NEIL3: variants seen among roughly 807,000 people sequenced by gnomAD.
The protein encoded by NEIL3 is endonuclease 8-like 3.
In NEIL3, 48 loss-of-function variants were observed where a neutral mutation model predicts 57.5. The observed-to-expected ratio is 0.83, with a 90% CI of 0.66 to 1.06. NEIL3 has a LOEUF of 1.06. Ranked by LOEUF, NEIL3 falls within the 50% of genes least tolerant of loss-of-function variation. The pLI is 0.00. For synonymous variants in NEIL3, 261 were observed against 253.2 expected, an observed-to-expected ratio of 1.03 and a Z score of -0.29; for missense variants, 717 against 739.1, an observed-to-expected ratio of 0.97 and a Z score of 0.35.
At position 177,353,729 on chromosome 4, in the gene NEIL3, G is replaced by C; in HGVS notation, c.1460+1G>C. 2 of 1,596,716 alleles carry C rather than the reference G, an allele frequency of 1.3e-6. No individual in the cohort carries two copies. Among genetic ancestry groups the C allele is most frequent in the African/African-American group, 1.4e-5 (1 of 72,910 alleles). ...GCTGCAACCCTGGATATTCTAACAG[G>C]TATGATGCTTTTAACCTTGGTCTTT... is the stretch of plus-strand genomic sequence containing the variant. On this transcript the variant is annotated splice_donor_variant, in intron 8 of 9. Coordinates refer to ENST00000264596, the MANE Select transcript of NEIL3 (RefSeq NM_018248.3). LOFTEE classifies it high-confidence loss of function.
chr4:177,363,747 A>G (rs772138358), downstream of NEIL3, among the ~76,000 whole-genome samples: 62 of 152,210 alleles, frequency 4.1e-4, no homozygotes, highest in Non-Finnish European at 2.2e-4. Flanking sequence ...TACAGGATCT[A>G]TATGAGGAAA....
At chr4:177,348,858 A>ATTTTTTTTT (rs749391559) in intron 6 of NEIL3, among the ~76,000 whole-genome samples, 811 of 73,726 alleles carry the variant, frequency 0.011, 148 homozygotes, top group Admixed American at 0.027. Context: ...TGGCTCATGA[A>ATTTTTTTTT]TTTTTTTTTT....
At chr4:177,347,074 G>A (rs1167745424) in intron 6 of NEIL3, among the ~76,000 whole-genome samples, 1 of 152,122 alleles carries the variant, frequency 6.6e-6, no homozygotes, top group African/African-American at 2.4e-5. Context: ...ATGATAAGTG[G>A]TGATTAGTGT....
chr4:177,323,861 G>A (rs969462483), intron 2 of NEIL3, among the ~76,000 whole-genome samples: 3 of 152,148 alleles, frequency 2.0e-5, no homozygotes, highest in African/African-American at 7.2e-5. Context: ...ACGGCTGTCA[G>A]TAAGTGTTCC....
chr4:177,343,798 A>G (rs1735152765), intron 6 of NEIL3: 1 of 122,658 alleles, frequency 8.2e-6, no homozygotes, highest in Non-Finnish European at 1.9e-5. Context: ...GAACATTCAT[A>G]ATTTTTTTTT....
chr4:177,359,517 AC>A (rs1369329056), intron 8 of NEIL3, among the ~76,000 whole-genome samples: 1 of 152,120 alleles, frequency 6.6e-6, no homozygotes, highest in Non-Finnish European at 1.5e-5. Context: ...AAGGGAAATC[AC>A]CTTTGATTTT....
At chr4:177,335,404 G>A (rs1156694304) in intron 2 of NEIL3, among the ~76,000 whole-genome samples, 3 of 152,054 alleles carry the variant, frequency 2.0e-5, no homozygotes, top group Admixed American at 2.0e-4. Flanking sequence ...AGAGGAGCAG[G>A]GGTGTATTTT....
At chr4:177,338,875 A>C (rs1735029285) in intron 4 of NEIL3, among the ~76,000 whole-genome samples, 1 of 151,680 alleles carries the variant, frequency 6.6e-6, no homozygotes, top group Non-Finnish European at 1.5e-5. Context: ...TTTTGAGTCC[A>C]GCAAGACTTC....
intron 6 of NEIL3, among the ~76,000 whole-genome samples, chr4:177,346,983 C>A (rs1257149496): frequency 7.1e-6 from 1 of 140,024 alleles, no homozygotes; most frequent in Non-Finnish European, 1.5e-5. Context: ...CCCTAGGTAA[C>A]AGAGCGAGAC....
intron 2 of NEIL3, among the ~76,000 whole-genome samples, chr4:177,335,233 A>G (rs1335748186): frequency 6.6e-6 from 1 of 152,210 alleles, no homozygotes; most frequent in Non-Finnish European, 1.5e-5. Context: ...TGTGGTTAGA[A>G]ATAAGGAATT....
chr4:177,363,857 C>G (rs930139595), downstream of NEIL3, among the ~76,000 whole-genome samples: 1 of 152,064 alleles, frequency 6.6e-6, no homozygotes, highest in Non-Finnish European at 1.5e-5. Flanking sequence ...CTCAAGCGAT[C>G]CCCTAGCCTC....
chr4:177,353,802 G>C, intron 8 of NEIL3, 74 bp downstream of exon 8: 1 of 1,290,778 alleles, frequency 7.7e-7, no homozygotes, highest in Non-Finnish European at 1.1e-6. Flanking sequence ...GTCTCACTCT[G>C]TCACCTAGGC....
At chr4:177,344,687 G>A (rs559320850) in intron 6 of NEIL3, among the ~76,000 whole-genome samples, 128 of 151,898 alleles carry the variant, frequency 8.4e-4, no homozygotes, top group African/African-American at 2.6e-3. Flanking sequence ...TCAGCCTCCC[G>A]AGTAGCTGGG....
chr4:177,320,321 A>G (rs1041241526), intron 1 of NEIL3, among the ~76,000 whole-genome samples: 3 of 152,060 alleles, frequency 2.0e-5, no homozygotes, highest in Admixed American at 6.6e-5. Context: ...CTGCCTTCCC[A>G]GTGCTTGATA....
chr4:177,309,890 T>A lies in NEIL3; in HGVS notation c.-64T>A. 6.5e-7 allele frequency: 1 copy of A among 1,547,976 alleles called. No individual in the cohort carries two copies. The highest frequency in any genetic ancestry group is 8.7e-7 in the Non-Finnish European group (1 of 1,151,110). Reference sequence around the variant, plus strand: ...CGTGCGGTCAGTGCCCGCGCAGCGTTGAGTTGCACAGCGGTATTCTCACCA... The same window carrying A: ...CGTGCGGTCAGTGCCCGCGCAGCGTAGAGTTGCACAGCGGTATTCTCACCA... On this transcript the variant is annotated 5_prime_UTR_variant, in exon 1 of 10. Transcript: ENST00000264596.
At chr4:177,344,733 T>C (rs2110917492) in intron 6 of NEIL3, among the ~76,000 whole-genome samples, 1 of 152,216 alleles carries the variant, frequency 6.6e-6, no homozygotes. Context: ...AGCTAATTTT[T>C]GTATTTTTAG....
chr4:177,313,582 C>T (rs954274019), intron 1 of NEIL3, among the ~76,000 whole-genome samples: 2 of 152,160 alleles, frequency 1.3e-5, no homozygotes, highest in African/African-American at 4.8e-5. Context: ...TTTGAAGAGT[C>T]AATCCTTTGA....
At chr4:177,310,177 T>G (rs1734450561) in intron 1 of NEIL3, 68 bp downstream of exon 1, 14 of 1,415,874 alleles carry the variant, frequency 9.9e-6, no homozygotes, top group Non-Finnish European at 1.3e-5. Context: ...CCATCAGGGT[T>G]CCAGGATTTA....
chr4:177,357,047 A>G (rs534261350), intron 8 of NEIL3: 1 of 152,346 alleles, frequency 6.6e-6, no homozygotes, highest in African/African-American at 2.4e-5. Flanking sequence ...CAGTGCAAGT[A>G]CTGACACCAT....
Sources: allele counts gnomAD v4.1 joint callset (sites outside exome capture counted in the v4.1 genomes callset), GRCh38; gene constraint gnomAD v4.1.1; transcripts MANE v1.5; gene names NCBI Gene and HGNC (gene_info 2026-07-23, HGNC 2026-07-21).